TRAPPC3L: variants seen among roughly 807,000 people sequenced by gnomAD.
The protein encoded by TRAPPC3L is trafficking protein particle complex subunit 3L.
Under a neutral mutation model 23.7 loss-of-function variants are expected in TRAPPC3L, and 23 were observed. The ratio of observed to expected loss-of-function variants is 0.97; its 90% CI spans 0.70 to 1.37. TRAPPC3L has a LOEUF of 1.37. TRAPPC3L is among the 40% of genes most tolerant of loss of function. TRAPPC3L has a pLI of 0.00. For synonymous variants in TRAPPC3L, 81 were observed against 77.9 expected (o/e 1.04, Z -0.21); for missense variants, 212 against 216.8 (o/e 0.98, Z 0.14).
At chr6:116,520,053 C>A (rs1351497027) in intron 3 of TRAPPC3L, 1 of 152,020 alleles carries the variant, frequency 6.6e-6, no homozygotes, top group East Asian at 1.9e-4. Context: ...TATATGTGTC[C>A]AAAGCAACTT....
intron 3 of TRAPPC3L, among the ~76,000 whole-genome samples, chr6:116,527,519 CAAA>C (rs34686241): frequency 0.043 from 4,838 of 112,440 alleles, 214 homozygotes; most frequent in African/African-American, 0.14. Flanking sequence ...CGTCTCAAAA[CAAA>C]AAAAAAAAAA....
At chr6:116,545,441 G>A (rs1031916701) in intron 1 of TRAPPC3L, 32 bp downstream of exon 1, 6 of 1,519,462 alleles carry the variant, frequency 3.9e-6, no homozygotes, top group Middle Eastern at 1.8e-4. Context: ...TTTCTCTGAA[G>A]TAGAAAAAAT....
At chr6:116,539,814 G>A (rs998790211) in intron 3 of TRAPPC3L, among the ~76,000 whole-genome samples, 1 of 152,140 alleles carries the variant, frequency 6.6e-6, no homozygotes, top group Non-Finnish European at 1.5e-5. Flanking sequence ...TTTAAAGGCT[G>A]GCTAAAGATG....
intron 3 of TRAPPC3L, among the ~76,000 whole-genome samples, chr6:116,530,920 T>TATATAC (rs1772668224): frequency 7.1e-6 from 1 of 141,822 alleles, no homozygotes; most frequent in Admixed American, 7.0e-5. Flanking sequence ...TATATATATA[T>TATATAC]ATATATATAT....
At chr6:116,499,900 G>GATATAA (rs1771887147) in intron 4 of TRAPPC3L, among the ~76,000 whole-genome samples, 1 of 152,168 alleles carries the variant, frequency 6.6e-6, no homozygotes, top group East Asian at 1.9e-4. Context: ...TGTATACTCA[G>GATATAA]TGCCTGACAC....
intron 3 of TRAPPC3L, chr6:116,522,659 A>G (rs1232208326): frequency 1.3e-5 from 2 of 152,122 alleles, no homozygotes; most frequent in Non-Finnish European, 2.9e-5. Context: ...TATTGGGAGG[A>G]GTAACACATT....
chr6:116,516,662 TATATA>T (rs1368444433), intron 3 of TRAPPC3L: 1 of 1,452 alleles, frequency 6.9e-4, no homozygotes, highest in Non-Finnish European at 1.5e-3. Flanking sequence ...TAGTAACAAA[TATATA>T]TATATATATA....
intron 3 of TRAPPC3L, among the ~76,000 whole-genome samples, chr6:116,508,385 G>T (rs991805977): frequency 1.3e-5 from 2 of 152,154 alleles, no homozygotes; most frequent in African/African-American, 4.8e-5. Context: ...ACCATGATGG[G>T]GTTCAGGGAA....
At chr6:116,498,434 C>G (rs1030249521) in intron 4 of TRAPPC3L, among the ~76,000 whole-genome samples, 1 of 152,212 alleles carries the variant, frequency 6.6e-6, no homozygotes, top group Non-Finnish European at 1.5e-5. Context: ...ACTTGTTATT[C>G]TATTTTCCCC....
At chr6:116,536,446 C>T (rs766551997) in intron 3 of TRAPPC3L, among the ~76,000 whole-genome samples, 5 of 152,286 alleles carry the variant, frequency 3.3e-5, no homozygotes, top group Middle Eastern at 3.4e-3. Flanking sequence ...GTTATGAATA[C>T]CTGAAGTTAC....
At chr6:116,509,381 C>G (rs1439861855) in intron 3 of TRAPPC3L, among the ~76,000 whole-genome samples, 1 of 152,020 alleles carries the variant, frequency 6.6e-6, no homozygotes, top group African/African-American at 2.4e-5. Flanking sequence ...AGAGCCCCAA[C>G]AGCCAAAGCA....
chr6:116,497,904 T>C (rs918279942), intron 4 of TRAPPC3L, among the ~76,000 whole-genome samples: 3 of 152,194 alleles, frequency 2.0e-5, no homozygotes, highest in Non-Finnish European at 4.4e-5. Context: ...CCTAACTCAG[T>C]CCCCTCTCTC....
rs1386194814 is a variant in TRAPPC3L at position 116,496,214 on chromosome 6, G to C, written c.*740C>G. 1.3e-5 allele frequency: 2 copies of C among 152,110 alleles called. No homozygotes were observed. The allele number at this position is 152,110 out of a possible 1,614,324, so 9.4% of individuals were successfully genotyped here. ...TAGAAATTCTGAATTAATAAGCTTT[G>C]GGGTAAGAAAGTAATTTCAAAGAAT... On this transcript the variant is annotated 3_prime_UTR_variant, in exon 5 of 5. Coordinates refer to ENST00000368602, the MANE Select transcript of TRAPPC3L (RefSeq NM_001139444.3).
intron 3 of TRAPPC3L, chr6:116,512,357 AAC>A (rs1238456937): frequency 8.0e-6 from 9 of 1,125,372 alleles, no homozygotes; most frequent in Admixed American, 5.1e-5. Flanking sequence ...TGGAAACTGA[AAC>A]ATGATGCAGC....
chr6:116,510,451 T>TC (rs1772092754), intron 3 of TRAPPC3L, among the ~76,000 whole-genome samples: 2 of 151,566 alleles, frequency 1.3e-5, no homozygotes, highest in African/African-American at 4.8e-5. Context: ...CTGGCTAATT[T>TC]TTTTTTGGTA....
chr6:116,539,565 G>A (rs1773301701), intron 3 of TRAPPC3L, among the ~76,000 whole-genome samples: 1 of 152,280 alleles, frequency 6.6e-6, no homozygotes, highest in East Asian at 1.9e-4. Context: ...GAGGGTTACT[G>A]TGACAGTGAA....
intron 3 of TRAPPC3L, among the ~76,000 whole-genome samples, chr6:116,538,028 T>A (rs1035191656): frequency 2.6e-5 from 4 of 152,198 alleles, no homozygotes; most frequent in African/African-American, 4.8e-5. Context: ...CTGGGAAGGA[T>A]TCATATGGGA....
chr6:116,520,860 T>C (rs1450976914), intron 3 of TRAPPC3L: 1 of 152,076 alleles, frequency 6.6e-6, no homozygotes, highest in African/African-American at 2.4e-5. Flanking sequence ...TATTTGCCAA[T>C]ATACCATGGG....
intron 4 of TRAPPC3L, 78 bp from the exon 5 acceptor site, chr6:116,497,151 C>A: frequency 6.8e-7 from 1 of 1,461,854 alleles, no homozygotes; most frequent in Non-Finnish European, 9.1e-7. Flanking sequence ...CTTTTTTCAG[C>A]TTTCTTTACT....
Sources: gnomAD v4.1 joint callset for allele counts (sites outside exome capture counted in the v4.1 genomes callset) on GRCh38, gnomAD v4.1.1 for gene constraint, MANE v1.5 for transcripts, NCBI Gene and HGNC (gene_info 2026-07-23, HGNC 2026-07-21) for gene names.